TRDN: variants seen among roughly 807,000 people sequenced by gnomAD.
TRDN encodes triadin.
Under a neutral mutation model 149.7 loss-of-function variants are expected in TRDN, and 161 were observed. The ratio of observed to expected loss-of-function variants is 1.08; its 90% CI spans 0.95 to 1.23. The LOEUF is 1.23. TRDN is among the 50% of genes most tolerant of loss of function. The probability of loss-of-function intolerance (pLI) is 0.00; values close to 1 mark genes in which losing one functional copy is unlikely to be tolerated. For missense variants in TRDN, 896 were observed against 823.5 expected (o/e 1.09, Z -1.08); for synonymous variants, 294 against 250.5 (o/e 1.17, Z -1.64).
intron 24 of TRDN, among the ~76,000 whole-genome samples, chr6:123,307,202 T>C (rs1778643808): frequency 6.6e-6 from 1 of 152,236 alleles, no homozygotes; most frequent in South Asian, 2.1e-4. Flanking sequence ...CAAGCAGTAC[T>C]TCTTCATAAA....
At chr6:123,578,463 G>A (rs575609740) in intron 1 of TRDN, among the ~76,000 whole-genome samples, 14 of 152,212 alleles carry the variant, frequency 9.2e-5, no homozygotes, top group Non-Finnish European at 1.6e-4. Flanking sequence ...TCAGAGGGTC[G>A]TAGGTATGGG....
In TRDN at chr6:123,218,439, A is replaced by T; in HGVS notation, c.*162T>A. 1.4e-6 allele frequency: 1 copy of T among 706,482 alleles called. No homozygotes were observed. Among genetic ancestry groups the T allele is most frequent in the Non-Finnish European group, 2.3e-6 (1 of 438,116 alleles). 43.8% of individuals were successfully genotyped at this position (706,482 alleles called of 1,614,324 possible). On this transcript the variant is annotated 3_prime_UTR_variant, in exon 41 of 41. Transcript: ENST00000334268. ...AGACCCTTAAACATGTCTGCTCATCACTCAATCCATTTGGCCACCCTTTCC... is the reference window on the plus strand; with the variant it reads ...AGACCCTTAAACATGTCTGCTCATCTCTCAATCCATTTGGCCACCCTTTCC...
At chr6:123,263,518 A>G (rs566354491) in intron 33 of TRDN, among the ~76,000 whole-genome samples, 7 of 152,062 alleles carry the variant, frequency 4.6e-5, no homozygotes, top group Non-Finnish European at 1.0e-4. Context: ...CTTTCAATGT[A>G]GACAAAATAG....
chr6:123,403,651 C>A (rs1310215097), intron 12 of TRDN, among the ~76,000 whole-genome samples: 1 of 152,040 alleles, frequency 6.6e-6, no homozygotes, highest in Non-Finnish European at 1.5e-5. Context: ...ATCAAAATTC[C>A]CCTATTAAAA....
intron 5 of TRDN, among the ~76,000 whole-genome samples, chr6:123,517,932 T>A (rs1361193462): frequency 6.6e-6 from 1 of 152,144 alleles, no homozygotes; most frequent in Non-Finnish European, 1.5e-5. Flanking sequence ...AGGGGCTACA[T>A]CATATTTATT....
chr6:123,265,961 A>G (rs1368619138), intron 32 of TRDN, among the ~76,000 whole-genome samples: 2 of 145,984 alleles, frequency 1.4e-5, no homozygotes, highest in Non-Finnish European at 3.0e-5. Flanking sequence ...ATTTCTTCAT[A>G]AAAAGTAGAA....
chr6:123,254,475 G>A (rs959028927), intron 37 of TRDN, among the ~76,000 whole-genome samples: 2 of 151,906 alleles, frequency 1.3e-5, no homozygotes, highest in African/African-American at 4.8e-5. Context: ...TGTTTACCTA[G>A]CACCTTCGAA....
chr6:123,339,784 G>A (rs1780002322), intron 21 of TRDN, among the ~76,000 whole-genome samples: 2 of 152,102 alleles, frequency 1.3e-5, no homozygotes, highest in Admixed American at 6.6e-5. Context: ...AGTGTTCTCA[G>A]CTGTTCTTTT....
chr6:123,483,529 C>T (rs1777857467), intron 9 of TRDN, among the ~76,000 whole-genome samples: 1 of 151,992 alleles, frequency 6.6e-6, no homozygotes, highest in Non-Finnish European at 1.5e-5. Context: ...TAATAACAAC[C>T]ACAATAAAGC....
At chr6:123,399,053 TTTGA>T (rs1347524158) in intron 12 of TRDN, among the ~76,000 whole-genome samples, 3 of 152,180 alleles carry the variant, frequency 2.0e-5, no homozygotes, top group Non-Finnish European at 4.4e-5. Flanking sequence ...TCAGAAAAAA[TTTGA>T]TTATTTCACG....
intron 1 of TRDN, among the ~76,000 whole-genome samples, chr6:123,618,219 A>G (rs80069714): frequency 0.021 from 3,160 of 152,280 alleles, 117 homozygotes; most frequent in East Asian, 0.17. Flanking sequence ...TGTACTTGGA[A>G]GTCCAACATG....
chr6:123,225,545 T>C (rs1243887382), intron 38 of TRDN, among the ~76,000 whole-genome samples: 5 of 136,998 alleles, frequency 3.6e-5, no homozygotes, highest in African/African-American at 7.6e-5. Context: ...TACACACACA[T>C]ACACACACAC....
chr6:123,418,270 T>A (rs758315253), intron 12 of TRDN, among the ~76,000 whole-genome samples: 1 of 152,116 alleles, frequency 6.6e-6, no homozygotes, highest in African/African-American at 2.4e-5. Context: ...CCATTTGTGC[T>A]CACATCATCA....
At chr6:123,300,532 T>C (rs954172706) in intron 24 of TRDN, among the ~76,000 whole-genome samples, 4 of 151,904 alleles carry the variant, frequency 2.6e-5, no homozygotes, top group Non-Finnish European at 5.9e-5. Flanking sequence ...TTAAATCAGC[T>C]GAGAAAAATT....
At chr6:123,442,890 A>G (rs1775008877) in intron 10 of TRDN, among the ~76,000 whole-genome samples, 1 of 152,184 alleles carries the variant, frequency 6.6e-6, no homozygotes, top group Admixed American at 6.5e-5. Context: ...CTGTACTGCA[A>G]TGAAGTGGAT....
intron 1 of TRDN, among the ~76,000 whole-genome samples, chr6:123,574,955 C>G (rs1037804379): frequency 2.0e-5 from 3 of 146,884 alleles, no homozygotes; most frequent in Non-Finnish European, 4.5e-5. Context: ...GAAATGCAAG[C>G]TCTGAGTTAA....
At chr6:123,419,254 G>C (rs1773795568) in intron 12 of TRDN, among the ~76,000 whole-genome samples, 1 of 152,106 alleles carries the variant, frequency 6.6e-6, no homozygotes, top group African/African-American at 2.4e-5. Flanking sequence ...CCTATAAGCA[G>C]GATTTATGGT....
chr6:123,379,991 G>T (rs942605020), intron 16 of TRDN, among the ~76,000 whole-genome samples: 3 of 152,072 alleles, frequency 2.0e-5, no homozygotes, highest in African/African-American at 7.2e-5. Flanking sequence ...ATCGAGTAAA[G>T]CAACCCTCAA....
chr6:123,586,266 G>T (rs535481343), intron 1 of TRDN, among the ~76,000 whole-genome samples: 1 of 152,274 alleles, frequency 6.6e-6, no homozygotes, highest in South Asian at 2.1e-4. Flanking sequence ...CGGGTGTGAG[G>T]AGGGGAGATG....
Sources: gnomAD v4.1 joint callset for allele counts (sites outside exome capture counted in the v4.1 genomes callset) on GRCh38, gnomAD v4.1.1 for gene constraint, MANE v1.5 for transcripts, NCBI Gene and HGNC (gene_info 2026-07-23, HGNC 2026-07-21) for gene names.